The following ADAP1 variants were observed in gnomAD, a reference collection of about 807,000 sequenced individuals.
ADAP1 encodes arf-GAP with dual PH domain-containing protein 1.
Under a neutral mutation model 54.9 loss-of-function variants are expected in ADAP1, and 31 were observed. That is an observed-to-expected ratio of 0.56 (90% CI 0.42 to 0.76). The LOEUF (loss-of-function observed/expected upper bound fraction) is 0.76. Among genes scored for constraint, ADAP1 ranks in the 30% least tolerant of loss-of-function variants. The probability of loss-of-function intolerance (pLI) is 0.00; values close to 1 mark genes in which losing one functional copy is unlikely to be tolerated. For synonymous variants in ADAP1, 313 were observed against 202.6 expected (o/e 1.55, Z -4.63); for missense variants, 535 against 512.4 (o/e 1.04, Z -0.42).
intron 2 of ADAP1, chr7:935,170 G>T: frequency 1.3e-6 from 1 of 740,918 alleles, no homozygotes; most frequent in Non-Finnish European, 2.4e-6. Flanking sequence ...CAGAGAGGTT[G>T]GACCCGGCAC....
At chr7:899,006 A>AGGCCGCC (rs767216356) in intron 10 of ADAP1, 27 bp downstream of exon 10, 13 of 1,609,436 alleles carry the variant, frequency 8.1e-6, no homozygotes, top group South Asian at 6.6e-5. Flanking sequence ...GAGCCCTTCC[A>AGGCCGCC]GGCCGCCGGC....
intron 3 of ADAP1, among the ~76,000 whole-genome samples, chr7:922,065 G>A (rs1394864556): frequency 1.3e-5 from 2 of 152,182 alleles, no homozygotes; most frequent in African/African-American, 2.4e-5. Context: ...ATCCTGCCCA[G>A]CGGAGCCCTC....
chr7:936,097 A>G (rs147723624), intron 1 of ADAP1, among the ~76,000 whole-genome samples: 177 of 152,312 alleles, frequency 1.2e-3, no homozygotes, highest in African/African-American at 4.1e-3. Context: ...TTCACCCTGC[A>G]TGTGGCCTGT....
chr7:952,261 G>A (rs73254079), intron 1 of ADAP1, among the ~76,000 whole-genome samples: 3,074 of 152,238 alleles, frequency 0.02, 93 homozygotes, highest in African/African-American at 0.064. Context: ...TCCCTCACAC[G>A]GCCAGTGGGT....
intron 1 of ADAP1, among the ~76,000 whole-genome samples, chr7:935,888 T>C (rs1249536921): frequency 3.3e-5 from 5 of 152,132 alleles, no homozygotes; most frequent in Non-Finnish European, 7.4e-5. Flanking sequence ...CTGGGAGAAG[T>C]CTGTGGGCCC....
intron 6 of ADAP1, chr7:900,953 G>C (rs913483261): frequency 1.8e-6 from 1 of 547,984 alleles, no homozygotes. Flanking sequence ...CCCTGGTGCT[G>C]CTGGGGCCTG....
intron 9 of ADAP1, 64 bp downstream of exon 9, chr7:899,355 C>A: frequency 6.2e-7 from 1 of 1,606,786 alleles, no homozygotes; most frequent in South Asian, 1.1e-5. Flanking sequence ...CCCTCCTGGT[C>A]ACGCATCTGG....
At chr7:911,520 C>T (rs1845721370) in intron 4 of ADAP1, among the ~76,000 whole-genome samples, 1 of 151,968 alleles carries the variant, frequency 6.6e-6, no homozygotes, top group Non-Finnish European at 1.5e-5. Context: ...TCCTGTAAGA[C>T]AAACATGCCA....
In ADAP1 at chr7:946,697, G is replaced by A. The variant is rs1226208447; in HGVS notation, c.82+7699C>T. ...GGGCCCCCACCCCGCGCCCCTCCAG[G>A]CTCTTCAGGGCCCTCGCACAGGGCC... On this transcript the variant is annotated intron_variant, in intron 1 of 10. Transcript: ENST00000265846. The surrounding 1 kb of genome is among the most constrained non-coding windows in gnomAD (Gnocchi z 4.3). Among the ~76,000 whole-genome samples, 1 of 152,200 alleles carries A rather than the reference G, an allele frequency of 6.6e-6. No individual in the cohort carries two copies. Among genetic ancestry groups the A allele is most frequent in the African/African-American group, 2.4e-5 (1 of 41,438 alleles).
chr7:903,120 CCA>C (rs1844904824), intron 6 of ADAP1, among the ~76,000 whole-genome samples: 1 of 152,148 alleles, frequency 6.6e-6, no homozygotes, highest in Admixed American at 6.5e-5. Flanking sequence ...CCGACTGCCT[CCA>C]GAGACAACAG....
intron 4 of ADAP1, among the ~76,000 whole-genome samples, chr7:906,755 T>TGGGG (rs1845452838): frequency 4.5e-5 from 1 of 22,236 alleles, no homozygotes; most frequent in African/African-American, 2.0e-4. Flanking sequence ...ATAGGGGACA[T>TGGGG]GGACAGGGGA....
In ADAP1 at chr7:901,943, C is replaced by T. The variant is rs1354503427; in HGVS notation, c.649-1327G>A. On this transcript the variant is annotated intron_variant, in intron 6 of 10. Coordinates refer to ENST00000265846, the MANE Select transcript of ADAP1 (RefSeq NM_006869.4). ...ACTGGTTGGAAAATCGCCCCTTTTC[C>T]CCCAGCAGGAGATGGAGCCGACTCT... 2.0e-5 allele frequency among the ~76,000 whole-genome samples: 3 copies of T among 152,056 alleles called. No individual in the cohort carries two copies. In the South Asian group the frequency reaches 6.2e-4, roughly 32 times the overall value.
chr7:921,790 G>A (rs1039165991), intron 3 of ADAP1, among the ~76,000 whole-genome samples: 5 of 152,214 alleles, frequency 3.3e-5, no homozygotes, highest in Non-Finnish European at 5.9e-5. Context: ...TCAGAGTCAC[G>A]GGAGGACCGA....
At chr7:904,461 A>G (rs1161036765) in intron 5 of ADAP1, among the ~76,000 whole-genome samples, 189 bp from the exon 6 acceptor site, 3 of 152,092 alleles carry the variant, frequency 2.0e-5, no homozygotes, top group African/African-American at 7.2e-5. Flanking sequence ...CCCTCCCAGG[A>G]GTGATGGGGA....
intron 1 of ADAP1, among the ~76,000 whole-genome samples, chr7:937,173 GCCCGA>G (rs1163997961): frequency 5.5e-5 from 6 of 109,358 alleles, no homozygotes; most frequent in African/African-American, 1.4e-4. Flanking sequence ...TGGGGGTCAC[GCCCGA>G]CCTCTGGGAT....
Position 916,082 on chromosome 7 carries a change from G to A in ADAP1, c.388+3886C>T, listed in dbSNP as rs548696363. On this transcript the variant is annotated intron_variant, in intron 4 of 10. Transcript: ENST00000265846. ...CAGAGGCGGGCACGCCACCTAGGGC[G>A]CCACGTTTCCCAAGTCACATCCCGG... 1.0e-3 allele frequency among the ~76,000 whole-genome samples: 154 copies of A among 152,320 alleles called. 1 individual carries two copies. Among genetic ancestry groups the A allele is most frequent in the African/African-American group, 2.6e-3 (108 of 41,580 alleles).
intron 5 of ADAP1, 137 bp downstream of exon 5, chr7:904,923 T>C: frequency 1.3e-6 from 1 of 746,740 alleles, no homozygotes; most frequent in Non-Finnish European, 2.2e-6. Flanking sequence ...CACAGGCCGG[T>C]TCTCCTGGAG....
chr7:921,516 A>G (rs1175100818), intron 3 of ADAP1, among the ~76,000 whole-genome samples: 2 of 151,996 alleles, frequency 1.3e-5, no homozygotes, highest in Admixed American at 6.5e-5. Flanking sequence ...GTGGGAGCTC[A>G]CTCTGTTGCC....
At chr7:941,913 T>C (rs571378138) in intron 1 of ADAP1, among the ~76,000 whole-genome samples, 2 of 152,196 alleles carry the variant, frequency 1.3e-5, no homozygotes, top group Non-Finnish European at 2.9e-5. Context: ...ATTACAGTTA[T>C]CAAGACAGTG....
Sources: gnomAD v4.1 joint callset for allele counts (sites outside exome capture counted in the v4.1 genomes callset) on GRCh38, gnomAD v4.1.1 for gene constraint, Gnocchi (gnomAD v3.1) non-coding constraint, MANE v1.5 for transcripts, NCBI Gene and HGNC (gene_info 2026-07-23, HGNC 2026-07-21) for gene names.